GFRA1: variants seen among roughly 807,000 people sequenced by gnomAD.
The protein encoded by GFRA1 is GDNF family receptor alpha-1.
Under a neutral mutation model 51.6 loss-of-function variants are expected in GFRA1, and 16 were observed. The ratio of observed to expected loss-of-function variants is 0.31; its 90% CI spans 0.21 to 0.47. The LOEUF (loss-of-function observed/expected upper bound fraction) is 0.47. GFRA1 is among the 20% of genes least tolerant of loss of function. The pLI is 1.00. For missense variants in GFRA1, 530 were observed against 594.3 expected, an observed-to-expected ratio of 0.89 and a Z score of 1.13; for synonymous variants, 270 against 241.3, an observed-to-expected ratio of 1.12 and a Z score of -1.10.
rs186562011 is a variant in GFRA1, at chr10:116,184,633, C to T, written c.433+26998G>A. 2.8e-4 allele frequency among the ~76,000 whole-genome samples: 43 copies of T among 152,328 alleles called. No individual in the cohort carries two copies. The East Asian group carries it at 7.7e-3, about 27-fold the overall frequency. ...AGAGGAGGTGGCACTACAGGTGGGC[C>T]TCCCGGCCAGCTGCTCAGGCTCTAT... On this transcript the variant is annotated intron_variant, in intron 5 of 10. Transcript: ENST00000355422.
At chr10:116,065,429 G>A (rs1249923079) in intron 10 of GFRA1, 144 bp downstream of exon 10, 1 of 702,090 alleles carries the variant, frequency 1.4e-6, no homozygotes, top group South Asian at 1.6e-5. Context: ...TGCTCAAAGG[G>A]CAGACGGTCA....
At chr10:116,201,984 T>C (rs538607537) in intron 5 of GFRA1, among the ~76,000 whole-genome samples, 1 of 152,288 alleles carries the variant, frequency 6.6e-6, no homozygotes, top group Admixed American at 6.5e-5. Context: ...GGCTATCAAA[T>C]ACGAACATAC....
intron 6 of GFRA1, among the ~76,000 whole-genome samples, chr10:116,106,473 C>T (rs1264139320): frequency 6.6e-6 from 1 of 152,232 alleles, no homozygotes; most frequent in African/African-American, 2.4e-5. Context: ...CCACCCAAAT[C>T]TCACGCTGAA....
intron 5 of GFRA1, among the ~76,000 whole-genome samples, chr10:116,185,768 T>C (rs1270035965): frequency 6.6e-6 from 1 of 152,150 alleles, no homozygotes; most frequent in African/African-American, 2.4e-5. Flanking sequence ...TAATAAATCA[T>C]TTGCACGGGA....
At chr10:116,080,569 C>G (rs141906348) in intron 9 of GFRA1, among the ~76,000 whole-genome samples, 1 of 152,240 alleles carries the variant, frequency 6.6e-6, no homozygotes, top group Non-Finnish European at 1.5e-5. Context: ...AAACAACCAA[C>G]TCTGATGAGG....
At chr10:116,240,591 A>G (rs1371553359) in intron 4 of GFRA1, among the ~76,000 whole-genome samples, 1 of 152,222 alleles carries the variant, frequency 6.6e-6, no homozygotes, top group Non-Finnish European at 1.5e-5. Flanking sequence ...AGGCCCTTAA[A>G]TATGTGGGAA....
At chr10:116,083,179 G>A (rs937446341) in intron 9 of GFRA1, among the ~76,000 whole-genome samples, 2 of 152,184 alleles carry the variant, frequency 1.3e-5, no homozygotes, top group African/African-American at 4.8e-5. Context: ...GTTAACCATG[G>A]GTGAAAAGGA....
intron 5 of GFRA1, among the ~76,000 whole-genome samples, chr10:116,196,597 A>C (rs12771708): frequency 8.3e-4 from 10 of 12,080 alleles, no homozygotes; most frequent in Admixed American, 2.1e-3. Flanking sequence ...ACTATATATA[A>C]TATATATATA....
At chr10:116,105,938 A>G (rs1956990087) in intron 6 of GFRA1, among the ~76,000 whole-genome samples, 1 of 152,172 alleles carries the variant, frequency 6.6e-6, no homozygotes, top group Admixed American at 6.5e-5. Context: ...CTTTGCAGAT[A>G]TAATTATGGT....
intron 5 of GFRA1, among the ~76,000 whole-genome samples, chr10:116,201,496 A>G (rs536024298): frequency 6.6e-6 from 1 of 152,240 alleles, no homozygotes; most frequent in East Asian, 1.9e-4. Context: ...ACCTCCATTC[A>G]GACTGTCCTC....
intron 6 of GFRA1, among the ~76,000 whole-genome samples, chr10:116,104,062 A>G (rs1432730377): frequency 2.6e-5 from 4 of 152,156 alleles, no homozygotes; most frequent in East Asian, 1.9e-4. Context: ...GGAGGTCCAC[A>G]TGCCCCAGGT....
chr10:116,159,261 T>G (rs536497765), intron 5 of GFRA1, among the ~76,000 whole-genome samples: 1 of 152,294 alleles, frequency 6.6e-6, no homozygotes, highest in African/African-American at 2.4e-5. Flanking sequence ...GACCCCACAC[T>G]GGCCCAGCTC....
chr10:116,069,395 T>C (rs1197305412), intron 9 of GFRA1, among the ~76,000 whole-genome samples: 2 of 152,164 alleles, frequency 1.3e-5, no homozygotes, highest in Non-Finnish European at 2.9e-5. Context: ...GGTTTTCATC[T>C]TGAGAACGGG....
At chr10:116,109,535 G>T (rs748359330) in intron 6 of GFRA1, among the ~76,000 whole-genome samples, 2 of 152,222 alleles carry the variant, frequency 1.3e-5, no homozygotes, top group Non-Finnish European at 2.9e-5. Context: ...AATCATCTGG[G>T]CCTAGGCCTT....
chr10:116,122,884 C>T (rs910906738), intron 6 of GFRA1, among the ~76,000 whole-genome samples: 1 of 152,136 alleles, frequency 6.6e-6, no homozygotes, highest in Non-Finnish European at 1.5e-5. Context: ...CTGGCTTGGA[C>T]CCATCAGTGG....
chr10:116,271,815 G>A (rs1843964640), intron 2 of GFRA1, among the ~76,000 whole-genome samples, 175 bp downstream of exon 2: 2 of 152,086 alleles, frequency 1.3e-5, no homozygotes, highest in Admixed American at 1.3e-4. Context: ...GCGCCGCGCC[G>A]CCACCGCCTC....
chr10:116,204,375 C>G (rs924520512), intron 5 of GFRA1, among the ~76,000 whole-genome samples: 3 of 152,216 alleles, frequency 2.0e-5, no homozygotes, highest in Non-Finnish European at 2.9e-5. Context: ...CATGCATATA[C>G]TTATTTGCTC....
chr10:116,243,712 A>T (rs893081535), intron 4 of GFRA1, among the ~76,000 whole-genome samples: 7 of 152,118 alleles, frequency 4.6e-5, no homozygotes, highest in African/African-American at 1.7e-4. Flanking sequence ...TGGAGCTTCC[A>T]TTTGATTCCA....
At position 116,269,693 on chromosome 10, in the gene GFRA1, G is replaced by T. The variant is rs935209332; in HGVS notation, c.335-107C>A. ...TTATGTTATGATTGTGTAACAAAAA[G>T]ACGCTGAAACTTTGAAAGATTTCAA... On this transcript the variant is annotated intron_variant, in intron 3 of 10. Coordinates refer to ENST00000355422, the MANE Select transcript of GFRA1 (RefSeq NM_005264.8). 1.1e-5 allele frequency: 8 copies of T among 740,518 alleles called. 1 individual carries two copies. The highest frequency in any genetic ancestry group is 5.9e-5 in the Admixed American group (3 of 50,750). 45.9% of individuals were successfully genotyped at this position (740,518 alleles called of 1,614,324 possible).
Sources: gnomAD v4.1 joint callset for allele counts (sites outside exome capture counted in the v4.1 genomes callset) on GRCh38, gnomAD v4.1.1 for gene constraint, MANE v1.5 for transcripts, NCBI Gene and HGNC (gene_info 2026-07-23, HGNC 2026-07-21) for gene names.